The following MYZAP variants were observed in gnomAD, a reference collection of about 807,000 sequenced individuals.
The protein encoded by MYZAP is GRINL1A complex locus upstream.
A neutral mutation model predicts 69.4 loss-of-function variants in MYZAP; 66 were observed. The observed-to-expected ratio is 0.95, with a 90% CI of 0.78 to 1.17. MYZAP has a LOEUF of 1.17. Among genes scored for constraint, MYZAP ranks in the 50% most tolerant of loss-of-function variants. MYZAP has a pLI of 0.00. For missense variants in MYZAP, 611 were observed against 556.2 expected, an observed-to-expected ratio of 1.10 and a Z score of -0.99; for synonymous variants, 256 against 205.9, an observed-to-expected ratio of 1.24 and a Z score of -2.09.
chr15:57,635,667 G>A (rs571809964), intron 8 of MYZAP, among the ~76,000 whole-genome samples: 12 of 152,304 alleles, frequency 7.9e-5, no homozygotes, highest in Non-Finnish European at 1.5e-4. Flanking sequence ...CATTAGGTAG[G>A]CCAATTTACA....
At chr15:57,674,498 A>G (rs1451318455) in intron 11 of MYZAP, among the ~76,000 whole-genome samples, 1 of 152,318 alleles carries the variant, frequency 6.6e-6, no homozygotes, top group Non-Finnish European at 1.5e-5. Flanking sequence ...TTATAGTTTA[A>G]TGAGGAGGTG....
At chr15:57,663,639 G>C (rs988218031) in intron 11 of MYZAP, among the ~76,000 whole-genome samples, 1 of 152,134 alleles carries the variant, frequency 6.6e-6, no homozygotes, top group Admixed American at 6.5e-5. Flanking sequence ...GGCCTGCTCT[G>C]GGGGGTTGTG....
At chr15:57,619,461 C>T in intron 3 of MYZAP, among the ~76,000 whole-genome samples, 1 of 152,198 alleles carries the variant, frequency 6.6e-6, no homozygotes, top group East Asian at 1.9e-4. Context: ...ATTGCAGCTT[C>T]TACTTCCCCA....
intron 10 of MYZAP, among the ~76,000 whole-genome samples, chr15:57,645,181 C>T (rs1425672356): frequency 6.6e-6 from 1 of 152,102 alleles, no homozygotes; most frequent in Non-Finnish European, 1.5e-5. Context: ...TTTGTGATTC[C>T]TAAGGAATGA....
At chr15:57,664,962 C>T (rs150383024) in intron 11 of MYZAP, among the ~76,000 whole-genome samples, 174 of 152,314 alleles carry the variant, frequency 1.1e-3, no homozygotes, top group African/African-American at 4.1e-3. Context: ...TAGAAAAGTA[C>T]CTGGCTCATG....
At chr15:57,654,132 A>G (rs2037880687) in intron 10 of MYZAP, among the ~76,000 whole-genome samples, 1 of 147,512 alleles carries the variant, frequency 6.8e-6, no homozygotes, top group Non-Finnish European at 1.5e-5. Flanking sequence ...CATGGGTTTC[A>G]GTTTGCTTAG....
chr15:57,677,815 T>G (rs1166611628), intron 12 of MYZAP, among the ~76,000 whole-genome samples: 2 of 152,180 alleles, frequency 1.3e-5, no homozygotes, highest in East Asian at 3.9e-4. Flanking sequence ...TTCATCTCTC[T>G]AAAGCTTCAA....
At chr15:57,616,822 C>CTTTGTTTTTTTTTTTTTTTTTTT (rs2035486350) in intron 2 of MYZAP, among the ~76,000 whole-genome samples, 1 of 50,058 alleles carries the variant, frequency 2.0e-5, no homozygotes, top group Non-Finnish European at 3.5e-5. Context: ...AAAAAAAGTG[C>CTTTGTTTTTTTTTTTTTTTTTTT]TTTTTTTTTT....
intron 4 of MYZAP, among the ~76,000 whole-genome samples, chr15:57,623,774 C>T (rs1298605366): frequency 6.8e-6 from 1 of 146,702 alleles, no homozygotes; most frequent in African/African-American, 2.5e-5. Context: ...CGATGTATCT[C>T]TACAATAGAA....
chr15:57,599,742 C>G, intron 1 of MYZAP: 2 of 1,273,722 alleles, frequency 1.6e-6, no homozygotes, highest in African/African-American at 1.5e-5. Context: ...GGGAGATTTT[C>G]CCATGGGGAG....
chr15:57,599,375 T>G, intron 1 of MYZAP: 1 of 855,392 alleles, frequency 1.2e-6, no homozygotes, highest in Non-Finnish European at 1.4e-6. Context: ...TTTGCCATCG[T>G]CGTACCCTCA....
intron 10 of MYZAP, chr15:57,647,030 C>T: frequency 3.0e-6 from 3 of 985,410 alleles, no homozygotes; most frequent in Non-Finnish European, 3.6e-6. Flanking sequence ...TCTACATAAG[C>T]TGGGAGATGG....
intron 2 of MYZAP, among the ~76,000 whole-genome samples, chr15:57,608,443 G>A (rs1157029988): frequency 2.6e-5 from 4 of 152,240 alleles, no homozygotes; most frequent in African/African-American, 9.6e-5. Flanking sequence ...TTCTTATGGA[G>A]TCAAGGGTTT....
At chr15:57,653,313 A>G (rs1454329173) in intron 10 of MYZAP, among the ~76,000 whole-genome samples, 1 of 152,232 alleles carries the variant, frequency 6.6e-6, no homozygotes, top group Non-Finnish European at 1.5e-5. Context: ...AAATTTGACA[A>G]TTTCGCAAGG....
At chr15:57,633,869 A>C (rs1162397219) in intron 8 of MYZAP, 128 bp downstream of exon 8, 4 of 1,148,362 alleles carry the variant, frequency 3.5e-6, no homozygotes, top group Non-Finnish European at 4.5e-6. Flanking sequence ...AAAAAAAGAC[A>C]AAGCTATAAA....
chr15:57,682,545 T>A (rs1367357969), intron 12 of MYZAP, among the ~76,000 whole-genome samples: 1 of 152,152 alleles, frequency 6.6e-6, no homozygotes, highest in African/African-American at 2.4e-5. Flanking sequence ...CTGACCTGCC[T>A]TCAGAATAAT....
At chr15:57,626,313 G>A (rs1004408322) in intron 5 of MYZAP, among the ~76,000 whole-genome samples, 2 of 152,134 alleles carry the variant, frequency 1.3e-5, no homozygotes, top group African/African-American at 4.8e-5. Flanking sequence ...TATAAAAAAG[G>A]CCTGTAAACA....
chr15:57,646,021 G>T, intron 10 of MYZAP: 1 of 470,664 alleles, frequency 2.1e-6, no homozygotes, highest in Non-Finnish European at 3.7e-6. Context: ...TAAATGCCCT[G>T]TGTTTAGAGG....
At chr15:57,636,137 T>C (rs543430854) in intron 8 of MYZAP, among the ~76,000 whole-genome samples, 1 of 152,092 alleles carries the variant, frequency 6.6e-6, no homozygotes, top group South Asian at 2.1e-4. Context: ...TTCTTGTTTT[T>C]TGTTTTTTTT....
Sources: allele counts gnomAD v4.1 joint callset (sites outside exome capture counted in the v4.1 genomes callset), GRCh38; gene constraint gnomAD v4.1.1; transcripts MANE v1.5; gene names NCBI Gene and HGNC (gene_info 2026-07-23, HGNC 2026-07-21).